The following NELL2 variants were observed in gnomAD, a reference collection of about 807,000 sequenced individuals.
NELL2 encodes protein kinase C-binding protein NELL2.
In NELL2, 41 loss-of-function variants were observed where a neutral mutation model predicts 109.6. The observed-to-expected ratio is 0.37, with a 90% CI of 0.29 to 0.49. The LOEUF is 0.49. NELL2 is among the 20% of genes least tolerant of loss of function. The probability of loss-of-function intolerance (pLI) is 0.98; values close to 1 mark genes in which losing one functional copy is unlikely to be tolerated. For missense variants in NELL2, 900 were observed against 1,008.3 expected, an observed-to-expected ratio of 0.89 and a Z score of 1.45; for synonymous variants, 355 against 344.7, an observed-to-expected ratio of 1.03 and a Z score of -0.33.
chr12:44,826,213 T>C (rs1943706230), intron 2 of NELL2, among the ~76,000 whole-genome samples: 1 of 152,200 alleles, frequency 6.6e-6, no homozygotes, highest in South Asian at 2.1e-4. Context: ...TTCTGCCCAC[T>C]GCAGTGTGTA....
chr12:44,658,180 T>A (rs1196350087), intron 13 of NELL2, among the ~76,000 whole-genome samples: 2 of 152,226 alleles, frequency 1.3e-5, no homozygotes, highest in Non-Finnish European at 2.9e-5. Context: ...TTCTAACTGG[T>A]GTGAGATGGT....
intron 9 of NELL2, among the ~76,000 whole-genome samples, chr12:44,739,673 T>C (rs1404487040): frequency 1.3e-5 from 2 of 152,118 alleles, no homozygotes; most frequent in Admixed American, 6.5e-5. Flanking sequence ...AGTGGATCAC[T>C]TGAGGTCAGC....
At chr12:44,714,361 T>C (rs1249583871) in intron 10 of NELL2, among the ~76,000 whole-genome samples, 2 of 151,904 alleles carry the variant, frequency 1.3e-5, no homozygotes, top group African/African-American at 2.4e-5. Context: ...TACATTTTCC[T>C]CCCAAGAGCA....
At chr12:44,886,370 A>G (rs1177794997) in intron 1 of NELL2, among the ~76,000 whole-genome samples, 2 of 151,956 alleles carry the variant, frequency 1.3e-5, no homozygotes, top group African/African-American at 2.4e-5. Context: ...TAGCTTTTTG[A>G]AAGATACCAT....
At chr12:44,807,791 T>A (rs1943050645) in intron 3 of NELL2, among the ~76,000 whole-genome samples, 2 of 151,972 alleles carry the variant, frequency 1.3e-5, no homozygotes, top group Admixed American at 1.3e-4. Flanking sequence ...AGAAATGATA[T>A]GGCAACACAG....
At chr12:44,678,967 G>A (rs764883412) in intron 12 of NELL2, among the ~76,000 whole-genome samples, 81 of 152,196 alleles carry the variant, frequency 5.3e-4, no homozygotes, top group South Asian at 2.1e-3. Flanking sequence ...CTATAAAGGG[G>A]AAACGGCAAT....
At chr12:44,705,623 C>A (rs1459715897) in intron 11 of NELL2, among the ~76,000 whole-genome samples, 1 of 152,130 alleles carries the variant, frequency 6.6e-6, no homozygotes, top group Non-Finnish European at 1.5e-5. Flanking sequence ...TGAGGGAGAA[C>A]AATTTCGGCT....
At chr12:44,752,516 A>C (rs1940697805) in intron 9 of NELL2, among the ~76,000 whole-genome samples, 2 of 152,194 alleles carry the variant, frequency 1.3e-5, no homozygotes, top group Non-Finnish European at 2.9e-5. Flanking sequence ...TCCAATCCAG[A>C]TCTGACTGCA....
At chr12:44,722,565 C>T (rs542590905) in intron 9 of NELL2, among the ~76,000 whole-genome samples, 21 of 152,194 alleles carry the variant, frequency 1.4e-4, no homozygotes, top group South Asian at 4.1e-4. Flanking sequence ...GGCACATGCA[C>T]AGGTAACTAA....
chr12:44,698,019 C>T (rs978229935), intron 12 of NELL2, among the ~76,000 whole-genome samples: 25 of 152,262 alleles, frequency 1.6e-4, no homozygotes, highest in African/African-American at 5.8e-4. Context: ...TCACATCATC[C>T]TGATCTCTGT....
intron 1 of NELL2, among the ~76,000 whole-genome samples, chr12:44,882,829 T>G (rs1249161175): frequency 7.2e-6 from 1 of 139,576 alleles, no homozygotes; most frequent in African/African-American, 2.7e-5. Context: ...TGCCTGGCTA[T>G]ATACCTTTTT....
At chr12:44,821,046 T>TACAC (rs10664645) in intron 2 of NELL2, among the ~76,000 whole-genome samples, 65,885 of 148,706 alleles carry the variant, frequency 0.44, 14,610 homozygotes, top group Middle Eastern at 0.58. Flanking sequence ...GCTTTATAAA[T>TACAC]ACACACACAC....
intron 12 of NELL2, among the ~76,000 whole-genome samples, chr12:44,682,181 T>A (rs1218624375): frequency 1.5e-4 from 22 of 150,256 alleles, no homozygotes; most frequent in Admixed American, 6.6e-4. Flanking sequence ...ATGGTGAGCA[T>A]TTTTTCATGT....
chr12:44,790,242 T>A (rs1007305714), intron 3 of NELL2, among the ~76,000 whole-genome samples: 1 of 152,152 alleles, frequency 6.6e-6, no homozygotes, highest in Non-Finnish European at 1.5e-5. Context: ...CCAGGTAACC[T>A]ATAAAGGAAA....
At chr12:44,566,742 A>G (rs1943675621) in intron 15 of NELL2, among the ~76,000 whole-genome samples, 1 of 152,202 alleles carries the variant, frequency 6.6e-6, no homozygotes, top group Admixed American at 6.5e-5. Flanking sequence ...ATCTATACAA[A>G]CAAGAACAAT....
At chr12:44,615,938 C>T (rs920888240) in intron 13 of NELL2, among the ~76,000 whole-genome samples, 4 of 152,110 alleles carry the variant, frequency 2.6e-5, no homozygotes, top group South Asian at 2.1e-4. Flanking sequence ...AACAAAGTAA[C>T]CAGCTAACAG....
intron 13 of NELL2, among the ~76,000 whole-genome samples, chr12:44,641,434 A>C (rs143607876): frequency 2.5e-3 from 382 of 152,334 alleles, no homozygotes; most frequent in African/African-American, 8.7e-3. Flanking sequence ...AGTAATGCCC[A>C]GTATCTGACA....
intron 3 of NELL2, among the ~76,000 whole-genome samples, chr12:44,808,554 T>C (rs779521286): frequency 1.3e-5 from 2 of 151,954 alleles, no homozygotes; most frequent in Non-Finnish European, 2.9e-5. Flanking sequence ...AAATTGGAGT[T>C]TGAAATTTTA....
At chr12:44,889,283 C>T (rs908976887) in intron 1 of NELL2, among the ~76,000 whole-genome samples, 1 of 152,012 alleles carries the variant, frequency 6.6e-6, no homozygotes, top group Non-Finnish European at 1.5e-5. Context: ...CCAAATAGCA[C>T]TAGTGACCTT....
Sources: gnomAD v4.1 joint callset for allele counts (sites outside exome capture counted in the v4.1 genomes callset) on GRCh38, gnomAD v4.1.1 for gene constraint, MANE v1.5 for transcripts, NCBI Gene and HGNC (gene_info 2026-07-23, HGNC 2026-07-21) for gene names.